PCLO: variants seen among roughly 807,000 people sequenced by gnomAD.
The protein encoded by PCLO is protein piccolo.
A neutral mutation model predicts 427.5 loss-of-function variants in PCLO; 82 were observed. That is an observed-to-expected ratio of 0.19 (90% confidence interval 0.16 to 0.23). PCLO has a LOEUF of 0.23. PCLO is among the 10% of genes least tolerant of loss of function. PCLO has a pLI of 1.00. For synonymous variants in PCLO, 2,357 were observed against 2,155.4 expected (o/e 1.09, Z -2.59); for missense variants, 6,239 against 6,115.9 (o/e 1.02, Z -0.67).
At chr7:83,005,936 C>A (rs1331576345) in intron 3 of PCLO, among the ~76,000 whole-genome samples, 1 of 151,654 alleles carries the variant, frequency 6.6e-6, no homozygotes, top group South Asian at 2.1e-4. Flanking sequence ...CTAATTACAG[C>A]CATTACAGTA....
In PCLO at chr7:83,162,834, G is replaced by A. The variant is rs985596143; in HGVS notation, c.-242C>T. On this transcript the variant is annotated 5_prime_UTR_variant, in exon 1 of 25. Coordinates refer to ENST00000333891, the MANE Select transcript of PCLO (RefSeq NM_033026.6). ...ACAGCGCCAGGCAACCTTTGCAGAA[G>A]ACACCTCCCGGACGCCGCCTCGGCG... The A allele has an allele frequency of 4.9e-5, 27 of 548,404 alleles. No individual in the cohort carries two copies. The African/African-American group carries it at 5.2e-4, about 11-fold the overall frequency. 34.0% of individuals were successfully genotyped at this position (548,404 alleles called of 1,614,324 possible). A position where few individuals can be genotyped will look rare whatever the true frequency, so the allele number is the denominator to read the frequency against.
chr7:82,871,950 A>G (rs1793248648), intron 10 of PCLO, among the ~76,000 whole-genome samples: 1 of 152,002 alleles, frequency 6.6e-6, no homozygotes, highest in African/African-American at 2.4e-5. Context: ...TGGACCACAG[A>G]TACATTAAAA....
intron 20 of PCLO, among the ~76,000 whole-genome samples, chr7:82,813,569 A>T (rs1024374344): frequency 9.2e-5 from 14 of 151,624 alleles, no homozygotes; most frequent in African/African-American, 3.4e-4. Context: ...ACTCTTCATA[A>T]TTTTTTCCAG....
rs188866764 is a variant in PCLO at position 82,808,644 on chromosome 7, C to T, written c.14792-2815G>A. Among the ~76,000 whole-genome samples, 8 of 151,938 alleles carry T rather than the reference C, an allele frequency of 5.3e-5. No individual in the cohort carries two copies. In the East Asian group the frequency reaches 1.5e-3, roughly 29 times the overall value. ...AAAAAAGAAAACCAAATCCAGGGGA[C>T]ATTTACCTATGATGGAATCAGTCTA... On this transcript the variant is annotated intron_variant, in intron 20 of 24. Coordinates refer to ENST00000333891, the MANE Select transcript of PCLO (RefSeq NM_033026.6).
At chr7:83,028,260 C>T (rs1476287730) in intron 3 of PCLO, among the ~76,000 whole-genome samples, 1 of 150,478 alleles carries the variant, frequency 6.6e-6, no homozygotes, top group Non-Finnish European at 1.5e-5. Flanking sequence ...TCAACAAAGT[C>T]TCAGGATACA....
chr7:82,903,937 G>A (rs1794120586), intron 8 of PCLO, among the ~76,000 whole-genome samples: 1 of 151,698 alleles, frequency 6.6e-6, no homozygotes, highest in Non-Finnish European at 1.5e-5. Flanking sequence ...AACAAAACAG[G>A]TATTTAAAAA....
chr7:83,110,597 T>C, intron 3 of PCLO, among the ~76,000 whole-genome samples: 1 of 152,160 alleles, frequency 6.6e-6, no homozygotes, highest in East Asian at 1.9e-4. Flanking sequence ...TTGACATCAT[T>C]TCTATTCTGA....
intron 3 of PCLO, among the ~76,000 whole-genome samples, chr7:83,006,634 C>A (rs1787952806): frequency 6.6e-6 from 1 of 151,426 alleles, no homozygotes; most frequent in East Asian, 1.9e-4. Context: ...TATACTCCTT[C>A]TTTTCATTTC....
At chr7:82,785,787 C>T (rs923557714) in intron 22 of PCLO, among the ~76,000 whole-genome samples, 4 of 152,016 alleles carry the variant, frequency 2.6e-5, no homozygotes, top group African/African-American at 9.7e-5. Context: ...AAGAGAACAG[C>T]AGGAGCAAAC....
intron 3 of PCLO, among the ~76,000 whole-genome samples, chr7:83,032,893 C>T (rs1022882401): frequency 2.0e-5 from 3 of 152,036 alleles, no homozygotes; most frequent in South Asian, 2.1e-4. Flanking sequence ...CCACCCAAAT[C>T]GCATCTCATC....
At chr7:83,055,525 T>C (rs1012317603) in intron 3 of PCLO, among the ~76,000 whole-genome samples, 7 of 152,064 alleles carry the variant, frequency 4.6e-5, no homozygotes, top group African/African-American at 1.5e-4. Context: ...CTTTTCGTGA[T>C]TGTCTCTATC....
rs770880036 is a variant in PCLO, at chr7:82,955,508, T to G, written c.5445A>C (p.Arg1815=). The change falls in exon 5 of 25, where the codon CGA becomes CGC. Residue 1815 remains arginine, a synonymous_variant. Transcript: ENST00000333891. ...KKSKKDKDEL[R]AQRRRERPKT... ...TTGGCCTTTCCCTTCTTCTCTGAGC[T>G]CGAAGTTCATCTTTGTCTTTCTTTG... The G allele has an allele frequency of 6.2e-7, 1 of 1,613,884 alleles. No individual in the cohort carries two copies. Among genetic ancestry groups the G allele is most frequent in the South Asian group, 1.1e-5 (1 of 91,062 alleles).
At chr7:82,841,198 A>C in intron 14 of PCLO, among the ~76,000 whole-genome samples, 1 of 152,192 alleles carries the variant, frequency 6.6e-6, no homozygotes, top group African/African-American at 2.4e-5. Flanking sequence ...ACAAATATAA[A>C]GTAACTGAGG....
chr7:82,996,458 G>C, intron 3 of PCLO, among the ~76,000 whole-genome samples: 1 of 151,950 alleles, frequency 6.6e-6, no homozygotes, highest in East Asian at 1.9e-4. Context: ...GTCAGCACTA[G>C]GCTTTCTATC....
Position 83,162,358 on chromosome 7 carries a change from G to C in PCLO, c.235C>G (p.Pro79Ala). The C allele has an allele frequency of 6.3e-7, 1 of 1,600,000 alleles. No homozygotes were observed. Among genetic ancestry groups the C allele is most frequent in the Non-Finnish European group, 8.5e-7 (1 of 1,173,466 alleles). ...TGCTGTGCATGCCTGTGCATGGAAG[G>C]CGACTCCGCAGCGGCCGGGGGGACG... ...GSVPPAAAES[P>A]SMHRKQELDS... The change falls in exon 1 of 25, where the codon CCT (proline) becomes GCT (alanine). Residue 79 changes from proline (P) to alanine (A), a missense_variant. Pro to Ala is a conservative substitution (Grantham distance 27, BLOSUM62 -1). Transcript: ENST00000333891.
chr7:82,981,533 T>G (rs1796146748), intron 3 of PCLO, among the ~76,000 whole-genome samples: 1 of 152,106 alleles, frequency 6.6e-6, no homozygotes, highest in African/African-American at 2.4e-5. Context: ...GTCAAAAAGG[T>G]TGGCAGATGT....
chr7:82,812,790 A>AT (rs1365829620), intron 20 of PCLO, among the ~76,000 whole-genome samples: 2 of 151,480 alleles, frequency 1.3e-5, no homozygotes, highest in Non-Finnish European at 3.0e-5. Context: ...TTCATGGGCG[A>AT]TTTTTAATTT....
At chr7:83,066,099 A>G (rs1484973329) in intron 3 of PCLO, among the ~76,000 whole-genome samples, 1 of 152,146 alleles carries the variant, frequency 6.6e-6, no homozygotes, top group Non-Finnish European at 1.5e-5. Flanking sequence ...ATTCTTGTGA[A>G]TAAACACAAT....
At chr7:83,117,931 G>A (rs1032112211) in intron 3 of PCLO, among the ~76,000 whole-genome samples, 1 of 152,112 alleles carries the variant, frequency 6.6e-6, no homozygotes, top group African/African-American at 2.4e-5. Flanking sequence ...ATTAGAACTA[G>A]TCTAATAAAA....
Sources: allele counts gnomAD v4.1 joint callset (sites outside exome capture counted in the v4.1 genomes callset), GRCh38; gene constraint gnomAD v4.1.1; transcripts MANE v1.5; gene names NCBI Gene and HGNC (gene_info 2026-07-23, HGNC 2026-07-21).